Variants in VIRMA observed in about 807,000 individuals in gnomAD.
The protein encoded by VIRMA is protein virilizer homolog.
VIRMA carries 65 observed loss-of-function variants against 182.4 expected under a neutral mutation model. The ratio of observed to expected loss-of-function variants is 0.36; its 90% CI spans 0.29 to 0.44. VIRMA has a LOEUF of 0.44. Among genes scored for constraint, VIRMA ranks in the 20% least tolerant of loss-of-function variants. VIRMA has a pLI of 1.00. For synonymous variants in VIRMA, 709 were observed against 743.1 expected, an observed-to-expected ratio of 0.95 and a Z score of 0.75; for missense variants, 1,752 against 2,158.1, an observed-to-expected ratio of 0.81 and a Z score of 3.73.
intron 1 of VIRMA, among the ~76,000 whole-genome samples, chr8:94,545,863 C>A (rs1815739341): frequency 6.6e-6 from 1 of 152,028 alleles, no homozygotes; most frequent in Admixed American, 6.6e-5. Context: ...AGAAGATCAG[C>A]CTGGGCAATA....
In VIRMA at chr8:94,545,105, T is replaced by G. The variant is rs1029261333; in HGVS notation, c.64-1163A>C. Among the ~76,000 whole-genome samples the G allele has an allele frequency of 2.0e-5, 3 of 152,176 alleles. No individual in the cohort carries two copies. The South Asian group carries it at 6.2e-4, about 32-fold the overall frequency. ...ATGATCGCCTCACTGCACTCCAGCCTGGGTGACAAAGTAAGACTCCATCCT... is the reference window on the plus strand; with the variant it reads ...ATGATCGCCTCACTGCACTCCAGCCGGGGTGACAAAGTAAGACTCCATCCT... On this transcript the variant is annotated intron_variant, in intron 1 of 23. Transcript: ENST00000297591.
At chr8:94,493,831 A>C (rs1813683936) in intron 20 of VIRMA, among the ~76,000 whole-genome samples, 1 of 152,232 alleles carries the variant, frequency 6.6e-6, no homozygotes, top group African/African-American at 2.4e-5. Flanking sequence ...ACTGTATAAT[A>C]AGATGTGGCT....
chr8:94,524,001 G>GTTTA (rs113588036), intron 8 of VIRMA, among the ~76,000 whole-genome samples: 50,418 of 150,148 alleles, frequency 0.34, 8,785 homozygotes, highest in South Asian at 0.46. Context: ...TTTGTTACTT[G>GTTTA]TTTATTTATT....
chr8:94,523,145 C>T (rs896290135), intron 8 of VIRMA, among the ~76,000 whole-genome samples: 4 of 152,178 alleles, frequency 2.6e-5, no homozygotes, highest in African/African-American at 9.7e-5. Context: ...TGCATACTTA[C>T]AAGATTCCCT....
chr8:94,544,049 C>T (rs948919820), intron 1 of VIRMA, 107 bp from the exon 2 acceptor site: 13 of 648,484 alleles, frequency 2.0e-5, no homozygotes, highest in Non-Finnish European at 5.6e-6. Context: ...ACTTAACATT[C>T]CATATCATTA....
intron 2 of VIRMA, among the ~76,000 whole-genome samples, chr8:94,539,714 C>T (rs150058324): frequency 2.3e-3 from 350 of 152,260 alleles, no homozygotes; most frequent in African/African-American, 8.1e-3. Flanking sequence ...GAACGTACCC[C>T]ACAAAGTCCA....
At chr8:94,489,209 T>C (rs955310581) in intron 23 of VIRMA, among the ~76,000 whole-genome samples, 51 of 152,220 alleles carry the variant, frequency 3.4e-4, no homozygotes, top group African/African-American at 1.2e-3. Flanking sequence ...AAATATATGC[T>C]GTATAAAGGT....
intron 11 of VIRMA, among the ~76,000 whole-genome samples, chr8:94,513,833 C>A (rs1262546095): frequency 6.6e-6 from 1 of 152,048 alleles, no homozygotes; most frequent in East Asian, 1.9e-4. Flanking sequence ...ATGAAAAGTT[C>A]TAGATGTCAT....
At chr8:94,513,352 A>C (rs1290424298) in intron 11 of VIRMA, among the ~76,000 whole-genome samples, 3 of 151,960 alleles carry the variant, frequency 2.0e-5, no homozygotes, top group African/African-American at 7.3e-5. Context: ...AAAACAAAAC[A>C]AAACAAAAAA....
At chr8:94,548,974 TC>T (rs59151796) in intron 1 of VIRMA, among the ~76,000 whole-genome samples, 91,782 of 152,012 alleles carry the variant, frequency 0.6, 28,027 homozygotes, top group East Asian at 0.81. Flanking sequence ...CAGGCTGTCC[TC>T]CCAACTCCTG....
intron 1 of VIRMA, among the ~76,000 whole-genome samples, chr8:94,544,258 T>C (rs1299314559): frequency 6.6e-6 from 1 of 152,212 alleles, no homozygotes; most frequent in Admixed American, 6.5e-5. Context: ...CTTTTTGATT[T>C]CTAGAAAGAT....
intron 8 of VIRMA, 93 bp from the exon 9 acceptor site, chr8:94,519,569 G>T: frequency 7.6e-7 from 1 of 1,318,272 alleles, no homozygotes; most frequent in Non-Finnish European, 1.0e-6. Flanking sequence ...AATTTTTAAT[G>T]ACCATAATCC....
chr8:94,546,601 T>C (rs1253403096), intron 1 of VIRMA, among the ~76,000 whole-genome samples: 1 of 151,082 alleles, frequency 6.6e-6, no homozygotes, highest in Non-Finnish European at 1.5e-5. Flanking sequence ...GGGATACAAG[T>C]GGTTGTTTAC....
intron 5 of VIRMA, among the ~76,000 whole-genome samples, chr8:94,531,303 C>A (rs1815165054): frequency 1.3e-5 from 2 of 152,096 alleles, no homozygotes; most frequent in Admixed American, 1.3e-4. Flanking sequence ...CTTGAGTATG[C>A]ACAGATTTGT....
At position 94,510,537 on chromosome 8, in the gene VIRMA, G is replaced by A. The variant is rs1486402436; in HGVS notation, c.3506C>T (p.Thr1169Ile). ...QEIVRSFSGT[T>I]CQPIQHMLRR... ...TAACATATGTTGAATGGGCTGGCAG[G>A]TTGTGCCAGAGAAAGAGCGAACTAT... is the stretch of plus-strand genomic sequence containing the variant. Residue 1169 changes from threonine (T) to isoleucine (I), a missense_variant, in exon 14 of 24, where the codon ACC becomes ATC. By Grantham distance (89) the Thr-to-Ile change is moderately conservative. Around this residue, in one of 11 missense-constraint regions of VIRMA, gnomAD observed 777 missense variants for 920.6 expected, o/e 0.84. Transcript: ENST00000297591. 1.9e-6 allele frequency: 3 copies of A among 1,614,068 alleles called. No individual in the cohort carries two copies. The highest frequency in any genetic ancestry group is 2.5e-6 in the Non-Finnish European group (3 of 1,179,970).
chr8:94,518,205 TG>T (rs1208524894), intron 9 of VIRMA, among the ~76,000 whole-genome samples: 3 of 152,176 alleles, frequency 2.0e-5, no homozygotes, highest in Non-Finnish European at 4.4e-5. Flanking sequence ...AGAAAAACAA[TG>T]AAATATTAAC....
chr8:94,488,642 A>G lies in VIRMA; in HGVS notation c.*64T>C. 6.6e-7 allele frequency: 1 copy of G among 1,507,930 alleles called. No homozygotes were observed. The highest frequency in any genetic ancestry group is 9.1e-7 in the Non-Finnish European group (1 of 1,101,438). 93.4% of individuals were successfully genotyped at this position (1,507,930 alleles called of 1,614,324 possible). A position where few individuals can be genotyped will look rare whatever the true frequency, so the allele number is the denominator to read the frequency against. Reference sequence around the variant, plus strand: ...CTGCTAAGTCTAAATTGGTCCTTCAATGTCTTATTTTTATTGTCCTCGTGA... The same window carrying G: ...CTGCTAAGTCTAAATTGGTCCTTCAGTGTCTTATTTTTATTGTCCTCGTGA... On this transcript the variant is annotated 3_prime_UTR_variant, in exon 24 of 24. Coordinates refer to ENST00000297591, the MANE Select transcript of VIRMA (RefSeq NM_015496.5).
At position 94,531,280 on chromosome 8, in the gene VIRMA, G is replaced by A. The variant is rs554659005; in HGVS notation, c.485-195C>T. The stretch of plus-strand genomic sequence containing the variant: ...TGTCTGTATATGCAGGTTCCTCGGG[G>A]CCAACGTCAGGACTTGAGTATGCAC... On this transcript the variant is annotated intron_variant, in intron 5 of 23. Coordinates refer to ENST00000297591, the MANE Select transcript of VIRMA (RefSeq NM_015496.5). 1.2e-4 allele frequency among the ~76,000 whole-genome samples: 19 copies of A among 152,260 alleles called. 1 individual carries two copies. In the South Asian group the frequency reaches 2.3e-3, roughly 18 times the overall value.
intron 1 of VIRMA, among the ~76,000 whole-genome samples, chr8:94,545,921 G>A (rs536682242): frequency 1.3e-5 from 2 of 152,168 alleles, no homozygotes; most frequent in South Asian, 4.2e-4. Flanking sequence ...GCTGGGCATG[G>A]TAGCACATGC....
Sources: allele counts gnomAD v4.1 joint callset (sites outside exome capture counted in the v4.1 genomes callset), GRCh38; gene constraint gnomAD v4.1.1; regional missense constraint gnomAD v4.1.1; transcripts MANE v1.5; gene names NCBI Gene and HGNC (gene_info 2026-07-23, HGNC 2026-07-21).